TRMT9B: variants seen among roughly 807,000 people sequenced by gnomAD.
TRMT9B encodes tRNA methyltransferase 9B (putative), also known as probable tRNA methyltransferase 9B.
In TRMT9B, 16 loss-of-function variants were observed where a neutral mutation model predicts 11.5. The observed-to-expected ratio is 1.39, with a 90% CI of 0.94 to 2.11. The LOEUF (loss-of-function observed/expected upper bound fraction) is 2.11, where lower values mean the gene tolerates loss of function less well. Among genes scored for constraint, TRMT9B ranks in the 30% most tolerant of loss-of-function variants. The probability of loss-of-function intolerance (pLI) is 0.00; values close to 1 mark genes in which losing one functional copy is unlikely to be tolerated. For synonymous variants in TRMT9B, 274 were observed against 192.4 expected, an observed-to-expected ratio of 1.42 and a Z score of -3.51; for missense variants, 941 against 553.8, an observed-to-expected ratio of 1.70 and a Z score of -7.02.
intron 1 of TRMT9B, among the ~76,000 whole-genome samples, chr8:12,963,811 C>G (rs746498221): frequency 5.9e-5 from 9 of 152,230 alleles, no homozygotes; most frequent in Non-Finnish European, 1.3e-4. Flanking sequence ...TTCATTTAAG[C>G]TGTGCCTGAG....
At chr8:13,008,829 C>T (rs376932482) in intron 3 of TRMT9B, among the ~76,000 whole-genome samples, 9 of 152,064 alleles carry the variant, frequency 5.9e-5, no homozygotes, top group East Asian at 5.8e-4. Flanking sequence ...CCCGGGTTCA[C>T]GCCATTCTCC....
chr8:12,977,103 T>C (rs142558768), intron 1 of TRMT9B, among the ~76,000 whole-genome samples: 17 of 152,316 alleles, frequency 1.1e-4, no homozygotes, highest in African/African-American at 3.6e-4. Context: ...AGATTAAATG[T>C]CTACTCTATT....
intron 1 of TRMT9B, among the ~76,000 whole-genome samples, chr8:12,990,306 A>C (rs897410540): frequency 5.3e-5 from 8 of 152,204 alleles, no homozygotes; most frequent in African/African-American, 1.9e-4. Flanking sequence ...TCTATATTAC[A>C]AAGTGGTTTT....
chr8:13,003,504 G>C (rs1809843223), intron 2 of TRMT9B, among the ~76,000 whole-genome samples: 1 of 152,132 alleles, frequency 6.6e-6, no homozygotes, highest in African/African-American at 2.4e-5. Context: ...CATAGCATAT[G>C]TTCAGGCCCC....
chr8:12,952,197 C>A (rs1475403152), intron 1 of TRMT9B: 6 of 452,926 alleles, frequency 1.3e-5, no homozygotes, highest in East Asian at 1.4e-4. Flanking sequence ...GTGCGGAAAG[C>A]GCCGGCGACC....
At chr8:12,984,755 G>A (rs542716084) in intron 1 of TRMT9B, among the ~76,000 whole-genome samples, 19 of 151,972 alleles carry the variant, frequency 1.3e-4, no homozygotes, top group Non-Finnish European at 2.1e-4. Flanking sequence ...CTTCACTCTC[G>A]TGTTTGATTT....
In TRMT9B at chr8:13,027,309, T is replaced by G. The variant is rs1814804532; in HGVS notation, c.*5265T>G. On this transcript the variant is annotated 3_prime_UTR_variant, in exon 5 of 5. Transcript: ENST00000524591. Reference sequence around the variant, plus strand: ...CCTGTGTGCCTATTACCAAGTTATATTGTTTAGTTTGAGGAAAACAACAAA... The same window carrying G: ...CCTGTGTGCCTATTACCAAGTTATAGTGTTTAGTTTGAGGAAAACAACAAA... The G allele has an allele frequency of 6.0e-6, 1 of 167,042 alleles. No homozygotes were observed. The highest frequency in any genetic ancestry group is 2.4e-5 in the African/African-American group (1 of 41,448). The allele number at this position is 167,042 out of a possible 1,614,324, so 10.3% of individuals were successfully genotyped here.
At chr8:12,985,391 A>C (rs1364720947) in intron 1 of TRMT9B, among the ~76,000 whole-genome samples, 2 of 152,130 alleles carry the variant, frequency 1.3e-5, no homozygotes, top group African/African-American at 4.8e-5. Context: ...TGTGTAGAGG[A>C]GAAAATATTT....
At position 12,985,252 on chromosome 8, in the gene TRMT9B, C is replaced by A. The variant is rs139843281; in HGVS notation, c.-199-5582C>A. ...GATTCCAGAGAGGATCGTATTCTCCCGGTGCAACATATTTTGTTGTTTTGA... is the reference window on the plus strand; with the variant it reads ...GATTCCAGAGAGGATCGTATTCTCCAGGTGCAACATATTTTGTTGTTTTGA... On this transcript the variant is annotated intron_variant, in intron 1 of 4. Coordinates refer to ENST00000524591, the MANE Select transcript of TRMT9B (RefSeq NM_020844.3). Among the ~76,000 whole-genome samples, 992 of 152,204 alleles carry A rather than the reference C, an allele frequency of 6.5e-3. 10 individuals are homozygous for A. Among genetic ancestry groups the A allele is most frequent in the African/African-American group, 0.022 (932 of 41,510 alleles).
chr8:13,017,200 C>T (rs1212050323), intron 4 of TRMT9B, among the ~76,000 whole-genome samples: 2 of 152,100 alleles, frequency 1.3e-5, no homozygotes, highest in Admixed American at 6.5e-5. Context: ...GCTAAACCTG[C>T]AGATTCTGAA....
intron 3 of TRMT9B, chr8:13,011,312 T>C (rs1257536112): frequency 1.0e-6 from 1 of 985,188 alleles, no homozygotes; most frequent in Admixed American, 6.2e-5. Context: ...ATTCATATAT[T>C]CTCCACTGTC....
intron 3 of TRMT9B, chr8:13,011,205 C>G (rs192336992): frequency 3.6e-5 from 23 of 633,688 alleles, no homozygotes; most frequent in African/African-American, 3.0e-4. Flanking sequence ...AGACTGGTCT[C>G]GAACTCCTGC....
At chr8:13,000,621 AT>A (rs1809248528) in intron 2 of TRMT9B, among the ~76,000 whole-genome samples, 1 of 152,100 alleles carries the variant, frequency 6.6e-6, no homozygotes, top group Non-Finnish European at 1.5e-5. Flanking sequence ...CACATTTACG[AT>A]TTCTTTTGAT....
intron 4 of TRMT9B, among the ~76,000 whole-genome samples, chr8:13,019,301 C>T (rs535159): frequency 0.066 from 10,026 of 152,044 alleles, 418 homozygotes; most frequent in African/African-American, 0.11. Context: ...TATATAGATA[C>T]ATATATTTGA....
At chr8:12,982,070 G>C (rs1241297918) in intron 1 of TRMT9B, among the ~76,000 whole-genome samples, 1 of 152,128 alleles carries the variant, frequency 6.6e-6, no homozygotes, top group South Asian at 2.1e-4. Flanking sequence ...TACAATATCT[G>C]TATCTATCTA....
chr8:12,946,791 G>T (rs1167090633), intron 1 of TRMT9B, among the ~76,000 whole-genome samples: 2 of 152,162 alleles, frequency 1.3e-5, no homozygotes, highest in African/African-American at 4.8e-5. Flanking sequence ...AGTTCAGGAA[G>T]AAAGAGAAGA....
At chr8:12,972,318 G>A (rs1255833757) in intron 1 of TRMT9B, among the ~76,000 whole-genome samples, 2 of 152,286 alleles carry the variant, frequency 1.3e-5, no homozygotes, top group African/African-American at 2.4e-5. Context: ...CGGCTGGTGC[G>A]GAGACTTTGA....
Position 12,961,255 on chromosome 8 carries a change from C to T in TRMT9B, c.-200+15289C>T, listed in dbSNP as rs1367965690. Among the ~76,000 whole-genome samples the T allele has an allele frequency of 3.3e-5, 5 of 152,186 alleles. No homozygotes were observed. In the South Asian group the frequency reaches 8.3e-4, roughly 25 times the overall value. The stretch of plus-strand genomic sequence containing the variant: ...CTAATACAAAGAGTGAATCCTAATA[C>T]AGCCTACGAATGTTAGTTAATAATA... On this transcript the variant is annotated intron_variant, in intron 1 of 4. Transcript: ENST00000524591.
chr8:12,975,236 C>T (rs1444536066), intron 1 of TRMT9B, among the ~76,000 whole-genome samples: 2 of 151,876 alleles, frequency 1.3e-5, no homozygotes, highest in African/African-American at 2.4e-5. Context: ...AGAAGAGATA[C>T]AAATAGATTA....
Sources: allele counts gnomAD v4.1 joint callset (sites outside exome capture counted in the v4.1 genomes callset), GRCh38; gene constraint gnomAD v4.1.1; transcripts MANE v1.5; gene names NCBI Gene and HGNC (gene_info 2026-07-23, HGNC 2026-07-21).